The following LRP1B variants were observed in gnomAD, a reference collection of about 807,000 sequenced individuals.
The protein encoded by LRP1B is low-density lipoprotein receptor-related protein 1B.
In LRP1B, 217 loss-of-function variants were observed where a neutral mutation model predicts 556.6. That is an observed-to-expected ratio of 0.39 (90% CI 0.35 to 0.44). The LOEUF (loss-of-function observed/expected upper bound fraction) is 0.44, where lower values mean the gene tolerates loss of function less well. Among genes scored for constraint, LRP1B ranks in the 20% least tolerant of loss-of-function variants. The pLI is 1.00. For missense variants in LRP1B, 5,053 were observed against 5,620.8 expected, an observed-to-expected ratio of 0.90 and a Z score of 3.23; for synonymous variants, 2,047 against 1,865.8, an observed-to-expected ratio of 1.10 and a Z score of -2.50.
intron 2 of LRP1B, among the ~76,000 whole-genome samples, chr2:141,722,410 C>T: frequency 6.6e-6 from 1 of 151,954 alleles, no homozygotes. Context: ...AGTCTCAGTC[C>T]CTTCATGCAG....
intron 51 of LRP1B, among the ~76,000 whole-genome samples, chr2:140,511,060 GA>G (rs1689630949): frequency 1.3e-5 from 2 of 151,580 alleles, no homozygotes; most frequent in African/African-American, 4.9e-5. Context: ...TGCTAAAAAA[GA>G]AATTTGTTGA....
intron 1 of LRP1B, among the ~76,000 whole-genome samples, chr2:142,080,508 A>G (rs1334644089): frequency 1.3e-5 from 2 of 150,992 alleles, no homozygotes; most frequent in Non-Finnish European, 3.0e-5. Context: ...TGGAAGTAGC[A>G]CAAGGGTTGA....
intron 41 of LRP1B, among the ~76,000 whole-genome samples, chr2:140,658,030 T>G (rs1684953826): frequency 6.6e-6 from 1 of 152,132 alleles, no homozygotes; most frequent in African/African-American, 2.4e-5. Context: ...TAAAACATTT[T>G]AGAAGTAACA....
intron 79 of LRP1B, among the ~76,000 whole-genome samples, chr2:140,332,765 G>C (rs1680877607): frequency 6.6e-6 from 1 of 151,884 alleles, no homozygotes; most frequent in Non-Finnish European, 1.5e-5. Flanking sequence ...GCTTTCTTCT[G>C]CATACAACTA....
At chr2:141,284,098 G>C (rs548686850) in intron 3 of LRP1B, among the ~76,000 whole-genome samples, 3 of 152,076 alleles carry the variant, frequency 2.0e-5, no homozygotes, top group African/African-American at 7.2e-5. Context: ...AGTATTTCTG[G>C]GAAGTTTGAA....
intron 66 of LRP1B, among the ~76,000 whole-genome samples, chr2:140,413,844 TTCAAG>T (rs1421806010): frequency 6.6e-6 from 1 of 152,182 alleles, no homozygotes; most frequent in Non-Finnish European, 1.5e-5. Flanking sequence ...CTAATGGAAT[TTCAAG>T]TCTAGTACAG....
chr2:141,518,519 A>G (rs1684407722), intron 2 of LRP1B, among the ~76,000 whole-genome samples: 1 of 152,208 alleles, frequency 6.6e-6, no homozygotes, highest in Non-Finnish European at 1.5e-5. Flanking sequence ...GTGTTGCTAC[A>G]GAGAACTCAC....
intron 2 of LRP1B, among the ~76,000 whole-genome samples, chr2:141,743,504 T>TTTTTTTTTTTC (rs1558844243): frequency 1.3e-4 from 10 of 79,030 alleles, no homozygotes; most frequent in Middle Eastern, 9.1e-3. Flanking sequence ...TTTTTTTCTT[T>TTTTTTTTTTTC]TTTTTTTTTT....
chr2:141,614,839 C>T (rs1212039834), intron 2 of LRP1B, among the ~76,000 whole-genome samples: 1 of 152,190 alleles, frequency 6.6e-6, no homozygotes, highest in Non-Finnish European at 1.5e-5. Flanking sequence ...TTAAGCCACC[C>T]AGTTTGTGGT....
chr2:142,087,156 A>G lies in LRP1B; in HGVS notation c.82+43492T>C, dbSNP rs537887008. Among the ~76,000 whole-genome samples the G allele has an allele frequency of 6.6e-5, 10 of 152,252 alleles. No homozygotes were observed. The South Asian group carries it at 2.1e-3, about 32-fold the overall frequency. Reference sequence around the variant, plus strand: ...TCTATTTTAGGTTTCTACTTTTCGGAATGTTATCCCCCAGTGATTATGAGA... The same window carrying G: ...TCTATTTTAGGTTTCTACTTTTCGGGATGTTATCCCCCAGTGATTATGAGA... On this transcript the variant is annotated intron_variant, in intron 1 of 90. Coordinates refer to ENST00000389484, the MANE Select transcript of LRP1B (RefSeq NM_018557.3).
intron 16 of LRP1B, among the ~76,000 whole-genome samples, chr2:140,993,697 C>G (rs368007277): frequency 6.6e-6 from 1 of 152,058 alleles, no homozygotes; most frequent in African/African-American, 2.4e-5. Flanking sequence ...AAGAATTTCC[C>G]TACAGCAACC....
chr2:141,490,918 C>T lies in LRP1B; in HGVS notation c.206-10385G>A, dbSNP rs1043258570. 4.5e-5 allele frequency among the ~76,000 whole-genome samples: 6 copies of T among 132,780 alleles called. No homozygotes were observed. The Admixed American group carries it at 5.3e-4, about 12-fold the overall frequency. 87.1% of individuals were successfully genotyped at this position (132,780 alleles called of 152,430 possible). On this transcript the variant is annotated intron_variant, in intron 2 of 90. Transcript: ENST00000389484. ...TTCGTCCCCCTCCCTCCACTTCCAC[C>T]TAGGTTAAAATGTTTTTTTTTTTTT...
chr2:140,389,672 G>C (rs1683923833), intron 66 of LRP1B, among the ~76,000 whole-genome samples: 2 of 146,536 alleles, frequency 1.4e-5, no homozygotes, highest in African/African-American at 2.5e-5. Flanking sequence ...TTAGAAAACT[G>C]AAAATGTTGT....
intron 6 of LRP1B, among the ~76,000 whole-genome samples, chr2:141,227,868 CATTT>C (rs887413508): frequency 6.0e-4 from 91 of 152,238 alleles, no homozygotes; most frequent in African/African-American, 2.2e-3. Flanking sequence ...TTGAAAATCA[CATTT>C]ATTCTATCAC....
intron 79 of LRP1B, among the ~76,000 whole-genome samples, chr2:140,328,818 C>T (rs1440320517): frequency 1.3e-5 from 2 of 151,456 alleles, no homozygotes; most frequent in South Asian, 2.1e-4. Context: ...TTTTCATACA[C>T]ATACACACAC....
At chr2:141,153,915 C>T (rs991145880) in intron 7 of LRP1B, among the ~76,000 whole-genome samples, 5 of 151,128 alleles carry the variant, frequency 3.3e-5, no homozygotes, top group African/African-American at 9.7e-5. Flanking sequence ...AGGAGATCTG[C>T]CACTCATTTT....
intron 1 of LRP1B, among the ~76,000 whole-genome samples, chr2:142,108,782 G>A (rs1319740700): frequency 2.0e-5 from 3 of 152,092 alleles, no homozygotes; most frequent in Admixed American, 1.3e-4. Flanking sequence ...ATTTACATAA[G>A]TTTTCTATCA....
chr2:141,522,704 T>A (rs889903587), intron 2 of LRP1B, among the ~76,000 whole-genome samples: 1 of 152,134 alleles, frequency 6.6e-6, no homozygotes, highest in African/African-American at 2.4e-5. Flanking sequence ...TGAGGCCATG[T>A]GTGGGTGGCT....
At chr2:142,027,327 T>C (rs1321049824) in intron 1 of LRP1B, among the ~76,000 whole-genome samples, 1 of 151,608 alleles carries the variant, frequency 6.6e-6, no homozygotes, top group Non-Finnish European at 1.5e-5. Flanking sequence ...AATACTATAT[T>C]AGAATTAGGT....
Sources: gnomAD v4.1 joint callset for allele counts (sites outside exome capture counted in the v4.1 genomes callset) on GRCh38, gnomAD v4.1.1 for gene constraint, MANE v1.5 for transcripts, NCBI Gene and HGNC (gene_info 2026-07-23, HGNC 2026-07-21) for gene names.